Variants in NHS observed in about 807,000 individuals in gnomAD.
The protein encoded by NHS is actin remodeling regulator NHS.
Under a neutral mutation model 72.5 loss-of-function variants are expected in NHS, and 5 were observed. The observed-to-expected ratio is 0.07, with a 90% CI of 0.04 to 0.14. NHS has a LOEUF of 0.14. Ranked by LOEUF, NHS falls within the 10% of genes least tolerant of loss-of-function variation. NHS has a pLI of 1.00. For missense variants in NHS, 1,072 were observed against 1,355.7 expected (o/e 0.79, Z 3.29); for synonymous variants, 464 against 547.7 (o/e 0.85, Z 2.13).
chrX:17,518,050 C>T (rs757438526), intron 1 of NHS, among the ~76,000 whole-genome samples: 60 of 111,863 alleles, frequency 5.4e-4, no homozygotes, highest in African/African-American at 1.9e-3. Context: ...TTTTCTTGCT[C>T]ATGAAAAATG....
chrX:17,461,055 G>T (rs962913915), intron 1 of NHS, among the ~76,000 whole-genome samples: 1 of 112,051 alleles, frequency 8.9e-6, no homozygotes, highest in Non-Finnish European at 1.9e-5. Flanking sequence ...TACTTTGTGC[G>T]TGGAACTTTG....
At chrX:17,638,718 C>T (rs905888902) in intron 1 of NHS, among the ~76,000 whole-genome samples, 2 of 112,162 alleles carry the variant, frequency 1.8e-5, no homozygotes, top group Non-Finnish European at 3.8e-5. Flanking sequence ...TGAAAGAATG[C>T]AGGCAAAGGA....
intron 1 of NHS, among the ~76,000 whole-genome samples, chrX:17,383,368 G>C (rs2064388444): frequency 9.0e-6 from 1 of 111,579 alleles, no homozygotes; most frequent in African/African-American, 3.3e-5. Context: ...CACACGCCCA[G>C]CCCCTCCCAG....
At chrX:17,453,265 C>A (rs2064813312) in intron 1 of NHS, among the ~76,000 whole-genome samples, 1 of 111,224 alleles carries the variant, frequency 9.0e-6, no homozygotes, top group Admixed American at 9.6e-5. Flanking sequence ...TTGATCCTAA[C>A]CTGAAATCCA....
At chrX:17,476,012 C>T (rs1358800965) in intron 1 of NHS, among the ~76,000 whole-genome samples, 4 of 111,502 alleles carry the variant, frequency 3.6e-5, no homozygotes, top group African/African-American at 9.8e-5. Flanking sequence ...CTGATTTATC[C>T]GCCAGAGGAA....
intron 1 of NHS, among the ~76,000 whole-genome samples, chrX:17,377,748 A>G (rs1422584967): frequency 8.8e-6 from 1 of 113,341 alleles, no homozygotes; most frequent in Non-Finnish European, 1.9e-5. Flanking sequence ...TGAATAAATG[A>G]TGTGCTCGAT....
chrX:17,591,478 G>A (rs776452702), intron 1 of NHS, among the ~76,000 whole-genome samples: 62 of 111,939 alleles, frequency 5.5e-4, no homozygotes, highest in African/African-American at 1.9e-3. Flanking sequence ...GAAAACATCT[G>A]TCTCTATTAT....
intron 1 of NHS, among the ~76,000 whole-genome samples, chrX:17,572,346 G>A (rs1694476712): frequency 9.1e-6 from 1 of 110,243 alleles, no homozygotes; most frequent in South Asian, 3.9e-4. Flanking sequence ...GAATCTTGGT[G>A]CTCCTGTATT....
At chrX:17,529,677 G>T (rs991016647) in intron 1 of NHS, among the ~76,000 whole-genome samples, 3 of 111,873 alleles carry the variant, frequency 2.7e-5, no homozygotes, top group Admixed American at 9.4e-5. Flanking sequence ...CAAAGTCTTT[G>T]AATTATGTAT....
intron 1 of NHS, among the ~76,000 whole-genome samples, chrX:17,397,213 G>A (rs1222746858): frequency 2.7e-5 from 3 of 112,317 alleles, no homozygotes; most frequent in East Asian, 2.8e-4. Context: ...AGCCCCTCCC[G>A]GCATGGCCAC....
intron 1 of NHS, among the ~76,000 whole-genome samples, chrX:17,607,288 G>A (rs1478323282): frequency 1.8e-5 from 2 of 111,441 alleles, no homozygotes; most frequent in African/African-American, 6.5e-5. Flanking sequence ...CTACCCCATC[G>A]GATTACTCAT....
rs748037155 is a variant in NHS, at chrX:17,693,404, C to T, written c.852+936C>T. 2.0e-3 allele frequency among the ~76,000 whole-genome samples: 221 copies of T among 112,486 alleles called. 1 individual carries two copies. Among genetic ancestry groups the T allele is most frequent in the Non-Finnish European group, 3.2e-3 (173 of 53,337 alleles). ...GCCTGTCTGAATGTCTGCATTCCTG[C>T]TGTCTTGTCATTCTGGTTCAAGACC... On this transcript the variant is annotated intron_variant, in intron 3 of 8. Transcript: ENST00000676302.
chrX:17,728,658 C>G lies in NHS; in HGVS notation c.4232C>G (p.Pro1411Arg). 1 of 1,208,827 alleles carries G rather than the reference C, an allele frequency of 8.3e-7. No homozygotes were observed. Among genetic ancestry groups the G allele is most frequent in the Non-Finnish European group, 1.1e-6 (1 of 893,339 alleles). Residue 1411 changes from proline to arginine, a missense_variant, in exon 8 of 9, where the codon CCG (proline) becomes CGG (arginine). By Grantham distance (103) the Pro-to-Arg change is moderately radical. Transcript: ENST00000676302. ...VDEASLKESS[P>R]SDDSIISPLS... ...CTGTTCTTATTTTAAGAATCATCAC[C>G]GAGTGATGACTCCATCATTTCACCA...
At chrX:17,438,650 G>A (rs1355901081) in intron 1 of NHS, among the ~76,000 whole-genome samples, 3 of 112,211 alleles carry the variant, frequency 2.7e-5, no homozygotes, top group African/African-American at 6.5e-5. Flanking sequence ...AGAAGATTCT[G>A]TGAATCTGAA....
At chrX:17,435,976 C>T (rs921623122) in intron 1 of NHS, among the ~76,000 whole-genome samples, 1 of 112,034 alleles carries the variant, frequency 8.9e-6, no homozygotes, top group Non-Finnish European at 1.9e-5. Context: ...TTGGAATCCC[C>T]TGAAATCCTT....
intron 1 of NHS, among the ~76,000 whole-genome samples, chrX:17,614,640 C>T (rs760376792): frequency 9.1e-6 from 1 of 109,986 alleles, no homozygotes; most frequent in Admixed American, 9.6e-5. Flanking sequence ...TCCAGTGTTA[C>T]ATGTATTAAG....
intron 1 of NHS, among the ~76,000 whole-genome samples, chrX:17,527,005 C>G (rs1486363721): frequency 1.8e-5 from 2 of 111,716 alleles, no homozygotes; most frequent in Non-Finnish European, 3.8e-5. Flanking sequence ...AATAAAATAC[C>G]CCCAGCAAAA....
chrX:17,381,684 T>A (rs2064378616), intron 1 of NHS, among the ~76,000 whole-genome samples: 1 of 112,805 alleles, frequency 8.9e-6, no homozygotes, highest in Non-Finnish European at 1.9e-5. Context: ...AATTTCTTGA[T>A]CCATTCTCCT....
intron 1 of NHS, among the ~76,000 whole-genome samples, chrX:17,565,576 T>C (rs1384565664): frequency 2.7e-5 from 3 of 112,129 alleles, no homozygotes; most frequent in African/African-American, 9.7e-5. Flanking sequence ...GTGGCTAGCA[T>C]CTCACTAGCT....
Sources: allele counts gnomAD v4.1 joint callset (sites outside exome capture counted in the v4.1 genomes callset), GRCh38; gene constraint gnomAD v4.1.1; transcripts MANE v1.5; gene names NCBI Gene and HGNC (gene_info 2026-07-23, HGNC 2026-07-21).